Variants in EPB41L4A observed in about 807,000 individuals in gnomAD.
EPB41L4A encodes the protein erythrocyte membrane protein band 4.1 like 4A.
A neutral mutation model predicts 108.6 loss-of-function variants in EPB41L4A; 100 were observed. The ratio of observed to expected loss-of-function variants is 0.92; its 90% CI spans 0.78 to 1.09. The LOEUF (loss-of-function observed/expected upper bound fraction) is 1.09. Among genes scored for constraint, EPB41L4A ranks in the 50% least tolerant of loss-of-function variants. The probability of loss-of-function intolerance (pLI) is 0.00; values close to 1 mark genes in which losing one functional copy is unlikely to be tolerated. For missense variants in EPB41L4A, 1,030 were observed against 842.7 expected (o/e 1.22, Z -2.75); for synonymous variants, 319 against 289.0 (o/e 1.10, Z -1.05).
At chr5:112,181,161 T>G (rs1761126914) in intron 18 of EPB41L4A, among the ~76,000 whole-genome samples, 1 of 152,106 alleles carries the variant, frequency 6.6e-6, no homozygotes, top group Non-Finnish European at 1.5e-5. Flanking sequence ...CTTATAAAAT[T>G]AAACATGTGG....
intron 2 of EPB41L4A, among the ~76,000 whole-genome samples, chr5:112,300,864 G>T (rs1296845214): frequency 6.6e-6 from 1 of 151,904 alleles, no homozygotes; most frequent in Non-Finnish European, 1.5e-5. Context: ...CTTAGTCTTT[G>T]TTGGACTGGG....
chr5:112,154,004 G>T (rs965475201), intron 12 of EPB41L4A, among the ~76,000 whole-genome samples: 2 of 152,118 alleles, frequency 1.3e-5, no homozygotes, highest in Non-Finnish European at 2.9e-5. Flanking sequence ...CAGATATGTA[G>T]CTGGCACACA....
intron 1 of EPB41L4A, among the ~76,000 whole-genome samples, chr5:112,399,794 CTT>C (rs1378340028): frequency 6.6e-6 from 1 of 152,230 alleles, no homozygotes; most frequent in Non-Finnish European, 1.5e-5. Flanking sequence ...TGATACTCCT[CTT>C]TGCCTCTGGG....
At position 112,260,053 on chromosome 5, in the gene EPB41L4A, A is replaced by C. The variant is rs1419680242; in HGVS notation, c.643-74T>G. The C allele has an allele frequency of 5.5e-6, 6 of 1,084,028 alleles. No homozygotes were observed. The African/African-American group carries it at 7.9e-5, about 14-fold the overall frequency. 67.2% of individuals were successfully genotyped at this position (1,084,028 alleles called of 1,614,324 possible). ...TTTGTCAAACTATAATTGACCATACAAATATAATTTGTTACATTAATATTG... is the reference window on the plus strand; with the variant it reads ...TTTGTCAAACTATAATTGACCATACCAATATAATTTGTTACATTAATATTG... On this transcript the variant is annotated intron_variant, in intron 7 of 22. Transcript: ENST00000261486.
At chr5:112,283,872 G>A (rs1316159454) in intron 2 of EPB41L4A, among the ~76,000 whole-genome samples, 1 of 152,030 alleles carries the variant, frequency 6.6e-6, no homozygotes, top group Non-Finnish European at 1.5e-5. Flanking sequence ...TCATGTACAA[G>A]GAAAATTAAC....
chr5:112,187,169 T>C (rs1414146705), intron 17 of EPB41L4A, among the ~76,000 whole-genome samples: 1 of 152,022 alleles, frequency 6.6e-6, no homozygotes, highest in African/African-American at 2.4e-5. Flanking sequence ...GGAAAAAGAG[T>C]CCGTTGTCAT....
intron 1 of EPB41L4A, among the ~76,000 whole-genome samples, chr5:112,400,025 G>A (rs544544103): frequency 7.9e-5 from 12 of 152,200 alleles, no homozygotes; most frequent in Non-Finnish European, 1.2e-4. Flanking sequence ...GTCCATTTTC[G>A]CACTGCTATA....
chr5:112,148,246 T>C (rs1246315109), intron 12 of EPB41L4A, among the ~76,000 whole-genome samples: 1 of 149,128 alleles, frequency 6.7e-6, no homozygotes, highest in Non-Finnish European at 1.5e-5. Flanking sequence ...CAAAAGTAGT[T>C]TCCATAGGTT....
chr5:112,351,210 T>C (rs1031494920), intron 1 of EPB41L4A, among the ~76,000 whole-genome samples: 1 of 151,918 alleles, frequency 6.6e-6, no homozygotes, highest in Admixed American at 6.6e-5. Flanking sequence ...TTTAAAAAGG[T>C]AAACAAAATC....
intron 1 of EPB41L4A, among the ~76,000 whole-genome samples, chr5:112,393,721 T>C (rs964218093): frequency 6.6e-6 from 1 of 152,108 alleles, no homozygotes; most frequent in South Asian, 2.1e-4. Context: ...AAAGAGGGAT[T>C]CCTCCCTAAC....
rs779283453 is a variant in EPB41L4A at position 112,262,582 on chromosome 5, C to T, written c.555-1G>A. 2 of 1,613,366 alleles carry T rather than the reference C, an allele frequency of 1.2e-6. No homozygotes were observed. The highest frequency in any genetic ancestry group is 1.1e-5 in the South Asian group (1 of 90,904). ...CTCAGCCTCAGAAGGAATCTGACCCCTACACCCAGCACAAAAACAAAGAGC... is the reference window on the plus strand; with the variant it reads ...CTCAGCCTCAGAAGGAATCTGACCCTTACACCCAGCACAAAAACAAAGAGC... On this transcript the variant is annotated splice_acceptor_variant, in intron 6 of 22. Coordinates refer to ENST00000261486, the MANE Select transcript of EPB41L4A (RefSeq NM_022140.5). LOFTEE classifies it high-confidence loss of function.
In EPB41L4A at chr5:112,367,573, G is replaced by C. The variant is rs17134398; in HGVS notation, c.99+51368C>G. Among the ~76,000 whole-genome samples the C allele has an allele frequency of 3.6e-3, 546 of 152,232 alleles. 14 individuals carry two copies. In the East Asian group the frequency reaches 0.058, roughly 16 times the overall value. On this transcript the variant is annotated intron_variant, in intron 1 of 22. Coordinates refer to ENST00000261486, the MANE Select transcript of EPB41L4A (RefSeq NM_022140.5). ...CATCCCCCATCTGGCAGGGCTCCAT[G>C]ACCAGCTCCTTCCAGGACAGGGAGG...
chr5:112,247,319 A>G (rs1246481054), intron 9 of EPB41L4A, among the ~76,000 whole-genome samples: 3 of 152,178 alleles, frequency 2.0e-5, no homozygotes, highest in South Asian at 2.1e-4. Flanking sequence ...TTCATTTAAA[A>G]TAAGTCTGCT....
At chr5:112,216,415 T>A (rs1747646035) in intron 12 of EPB41L4A, among the ~76,000 whole-genome samples, 1 of 152,204 alleles carries the variant, frequency 6.6e-6, no homozygotes, top group African/African-American at 2.4e-5. Flanking sequence ...GCTGAATGTG[T>A]GAAATTAAAA....
chr5:112,301,277 A>T (rs1177309756), intron 2 of EPB41L4A, among the ~76,000 whole-genome samples: 1 of 152,090 alleles, frequency 6.6e-6, no homozygotes, highest in Non-Finnish European at 1.5e-5. Flanking sequence ...CTTTGAGTAA[A>T]CTATGTTAGA....
At chr5:112,155,812 T>C (rs1030371601) in intron 12 of EPB41L4A, among the ~76,000 whole-genome samples, 3 of 152,154 alleles carry the variant, frequency 2.0e-5, no homozygotes, top group Admixed American at 6.5e-5. Flanking sequence ...TTTTAGGAAA[T>C]TAGTTTGGGT....
At chr5:112,254,591 G>A (rs61535569) in intron 9 of EPB41L4A, among the ~76,000 whole-genome samples, 1 of 152,092 alleles carries the variant, frequency 6.6e-6, no homozygotes, top group South Asian at 2.1e-4. Context: ...CCTCCCCTAA[G>A]AAGAGTCAGG....
intron 1 of EPB41L4A, among the ~76,000 whole-genome samples, chr5:112,312,517 C>G (rs1440758171): frequency 6.6e-6 from 1 of 152,022 alleles, no homozygotes; most frequent in African/African-American, 2.4e-5. Flanking sequence ...TCTACACAGG[C>G]ACCTGGAGCA....
rs571434343 is a variant in EPB41L4A, at chr5:112,328,772, C to G, written c.100-21282G>C. 3.5e-4 allele frequency among the ~76,000 whole-genome samples: 54 copies of G among 152,276 alleles called. 1 individual carries two copies. In the South Asian group the frequency reaches 8.7e-3, roughly 25 times the overall value. On this transcript the variant is annotated intron_variant, in intron 1 of 22. Coordinates refer to ENST00000261486, the MANE Select transcript of EPB41L4A (RefSeq NM_022140.5). ...AGCTTCTAGTAAAACTTCTCAATTC[C>G]TTGCATTTTTTGGTTAGTTGATACA...
Sources: gnomAD v4.1 joint callset for allele counts (sites outside exome capture counted in the v4.1 genomes callset) on GRCh38, gnomAD v4.1.1 for gene constraint, MANE v1.5 for transcripts, NCBI Gene and HGNC (gene_info 2026-07-23, HGNC 2026-07-21) for gene names.